JAM3: variants seen among roughly 807,000 people sequenced by gnomAD.
JAM3 encodes the protein junctional adhesion molecule 3.
A neutral mutation model predicts 39.4 loss-of-function variants in JAM3; 31 were observed. The observed-to-expected ratio is 0.79, with a 90% CI of 0.59 to 1.06. The LOEUF (loss-of-function observed/expected upper bound fraction) is 1.06, where lower values mean the gene tolerates loss of function less well. Ranked by LOEUF, JAM3 falls within the 50% of genes least tolerant of loss-of-function variation. The pLI, the probability that JAM3 is intolerant of heterozygous loss-of-function variation, is 0.00. For missense variants in JAM3, 455 were observed against 391.4 expected (o/e 1.16, Z -1.37); for synonymous variants, 182 against 148.7 (o/e 1.22, Z -1.63).
rs1185368870 is a variant in JAM3, at chr11:134,124,219, A to G, written c.77-15632A>G. 2.9e-6 allele frequency: 4 copies of G among 1,374,092 alleles called. No individual in the cohort carries two copies. In the South Asian group the frequency reaches 4.6e-5, roughly 16 times the overall value. 85.1% of individuals were successfully genotyped at this position (1,374,092 alleles called of 1,614,324 possible). ...ACTCGAACCAAAGTCATCACTCCAT[A>G]CTTCTTAAGTTCCTCTGGGAACTCG... On this transcript the variant is annotated intron_variant, in intron 1 of 8. Coordinates refer to ENST00000299106, the MANE Select transcript of JAM3 (RefSeq NM_032801.5).
At chr11:134,115,115 T>C (rs1362368777) in intron 1 of JAM3, among the ~76,000 whole-genome samples, 1 of 152,238 alleles carries the variant, frequency 6.6e-6, no homozygotes, top group Admixed American at 6.5e-5. Flanking sequence ...TGAAATGACT[T>C]CCTTTATCAT....
chr11:134,118,266 A>C (rs2120759589), intron 1 of JAM3, among the ~76,000 whole-genome samples: 1 of 152,344 alleles, frequency 6.6e-6, no homozygotes, highest in East Asian at 1.9e-4. Context: ...TCTGTGCTTT[A>C]GAGCCAAGAA....
chr11:134,076,889 C>T (rs984565602), intron 1 of JAM3, among the ~76,000 whole-genome samples: 14 of 141,470 alleles, frequency 9.9e-5, no homozygotes, highest in Admixed American at 1.5e-4. Flanking sequence ...GGCTGGAGTG[C>T]AGTGGTGCGA....
intron 1 of JAM3, among the ~76,000 whole-genome samples, chr11:134,077,599 G>A (rs1477260170): frequency 1.3e-5 from 2 of 150,234 alleles, no homozygotes; most frequent in Non-Finnish European, 2.9e-5. Flanking sequence ...CTGGACCTCA[G>A]GTGATCCACT....
chr11:134,145,226 G>T, intron 5 of JAM3: 1 of 582,050 alleles, frequency 1.7e-6, no homozygotes, highest in Non-Finnish European at 3.0e-6. Flanking sequence ...GACCGAAGAG[G>T]GATATTAAGC....
At chr11:134,084,883 G>A (rs1392534628) in intron 1 of JAM3, among the ~76,000 whole-genome samples, 1 of 152,102 alleles carries the variant, frequency 6.6e-6, no homozygotes, top group African/African-American at 2.4e-5. Flanking sequence ...TTTATGTTGG[G>A]TACTACTAAA....
At chr11:134,075,433 A>G (rs1319227021) in intron 1 of JAM3, among the ~76,000 whole-genome samples, 1 of 152,180 alleles carries the variant, frequency 6.6e-6, no homozygotes, top group Non-Finnish European at 1.5e-5. Context: ...ATAATGATTA[A>G]TAACACCTGC....
chr11:134,136,197 G>A (rs547211344), intron 1 of JAM3, among the ~76,000 whole-genome samples: 3 of 152,210 alleles, frequency 2.0e-5, no homozygotes, highest in South Asian at 4.1e-4. Context: ...TCCTTTTTCC[G>A]CCTTCCAAAA....
chr11:134,131,181 C>T (rs1325208011), intron 1 of JAM3, among the ~76,000 whole-genome samples: 1 of 143,640 alleles, frequency 7.0e-6, no homozygotes, highest in Non-Finnish European at 1.5e-5. Flanking sequence ...AAGGAGTACC[C>T]CTGCACAGAG....
intron 1 of JAM3, among the ~76,000 whole-genome samples, chr11:134,130,779 CATT>C (rs985659961): frequency 6.6e-6 from 1 of 152,164 alleles, no homozygotes; most frequent in African/African-American, 2.4e-5. Context: ...ACAGAGCAGA[CATT>C]ATTTGCAAAT....
intron 1 of JAM3, among the ~76,000 whole-genome samples, chr11:134,091,531 T>C (rs1022328693): frequency 1.3e-5 from 2 of 150,986 alleles, no homozygotes; most frequent in Non-Finnish European, 2.9e-5. Context: ...GATAGATAGA[T>C]AGATAGATAG....
intron 1 of JAM3, among the ~76,000 whole-genome samples, chr11:134,111,876 C>T (rs976107276): frequency 6.6e-6 from 1 of 152,138 alleles, no homozygotes; most frequent in African/African-American, 2.4e-5. Context: ...TCAAATGTCC[C>T]TCAGTTATAA....
chr11:134,141,841 A>G (rs934110619), intron 3 of JAM3, among the ~76,000 whole-genome samples: 6 of 151,894 alleles, frequency 4.0e-5, no homozygotes, highest in African/African-American at 1.2e-4. Flanking sequence ...TGCAGGAGGT[A>G]CACATGCAGG....
intron 1 of JAM3, among the ~76,000 whole-genome samples, chr11:134,098,051 T>C (rs779744635): frequency 6.6e-6 from 1 of 152,138 alleles, no homozygotes; most frequent in Non-Finnish European, 1.5e-5. Flanking sequence ...CTTTTCTGCT[T>C]AGTTCCCCTA....
chr11:134,075,771 T>C (rs1469781106), intron 1 of JAM3, among the ~76,000 whole-genome samples: 1 of 152,222 alleles, frequency 6.6e-6, no homozygotes, highest in African/African-American at 2.4e-5. Context: ...TTGTGGTTTG[T>C]ATACCTGTGA....
chr11:134,125,889 C>A (rs534329516), intron 1 of JAM3, among the ~76,000 whole-genome samples: 3 of 152,148 alleles, frequency 2.0e-5, no homozygotes, highest in Admixed American at 1.3e-4. Context: ...AGAAAAAGCA[C>A]CCCGATGGGT....
chr11:134,146,366 G>T (rs1475775630), intron 6 of JAM3, among the ~76,000 whole-genome samples: 1 of 151,656 alleles, frequency 6.6e-6, no homozygotes, highest in Admixed American at 6.6e-5. Context: ...GTGGTGTCAG[G>T]TCTCCAGAAA....
At chr11:134,088,990 G>A (rs976331159) in intron 1 of JAM3, among the ~76,000 whole-genome samples, 2 of 152,212 alleles carry the variant, frequency 1.3e-5, no homozygotes, top group African/African-American at 4.8e-5. Flanking sequence ...GATGGTTTGG[G>A]AGGTGTCAGT....
intron 1 of JAM3, among the ~76,000 whole-genome samples, chr11:134,105,400 C>G (rs1942164651): frequency 6.6e-6 from 1 of 152,140 alleles, no homozygotes. Flanking sequence ...CAATATCATA[C>G]CGAATGGGCA....
Sources: gnomAD v4.1 joint callset for allele counts (sites outside exome capture counted in the v4.1 genomes callset) on GRCh38, gnomAD v4.1.1 for gene constraint, MANE v1.5 for transcripts, NCBI Gene and HGNC (gene_info 2026-07-23, HGNC 2026-07-21) for gene names.